The following C16orf89 variants were observed in gnomAD, a reference collection of about 807,000 sequenced individuals.
The protein encoded by C16orf89 is UPF0764 protein C16orf89.
C16orf89 carries 57 observed loss-of-function variants against 41.5 expected under a neutral mutation model. That is an observed-to-expected ratio of 1.38 (90% CI 1.11 to 1.71). C16orf89 has a LOEUF of 1.71. C16orf89 is among the 40% of genes most tolerant of loss of function. C16orf89 has a pLI of 0.00. For missense variants in C16orf89, 575 were observed against 445.9 expected, an observed-to-expected ratio of 1.29 and a Z score of -2.61; for synonymous variants, 223 against 190.6, an observed-to-expected ratio of 1.17 and a Z score of -1.40.
intron 6 of C16orf89, among the ~76,000 whole-genome samples, chr16:5,053,289 G>T (rs974551904): frequency 6.6e-6 from 1 of 152,110 alleles, no homozygotes; most frequent in African/African-American, 2.4e-5. Context: ...AGAATCGCTT[G>T]TACCTGGGAG....
At chr16:5,062,621 C>CT (rs773270427) in intron 1 of C16orf89, 47 bp from the exon 2 acceptor site, 380 of 1,506,256 alleles carry the variant, frequency 2.5e-4, no homozygotes, top group Admixed American at 3.1e-4. Context: ...GAATCGGGAC[C>CT]TTTTTTTGCC....
chr16:5,044,355 C>A lies in C16orf89; in HGVS notation c.1079G>T (p.Ser360Ile). ...PHPSTPPPPS[S>I]R ...GGCATGGAACCGTCCGTCTCAGCGG[C>A]TGCTTGGTGGTGGCGGTGTGGATGG... Residue 360 changes from serine (S) to isoleucine (I), a missense_variant, in exon 8 of 8, where the codon AGC (serine) becomes ATC (isoleucine). By Grantham distance (142) the Ser-to-Ile change is moderately radical. Transcript: ENST00000472572. 2 of 1,604,662 alleles carry A rather than the reference C, an allele frequency of 1.2e-6. No individual in the cohort carries two copies. The highest frequency in any genetic ancestry group is 1.7e-6 in the Non-Finnish European group (2 of 1,176,226).
At chr16:5,058,016 T>C (rs1437508560) in intron 4 of C16orf89, among the ~76,000 whole-genome samples, 1 of 152,122 alleles carries the variant, frequency 6.6e-6, no homozygotes, top group African/African-American at 2.4e-5. Flanking sequence ...AGGAGTATGA[T>C]AGGGGCCCTA....
intron 7 of C16orf89, among the ~76,000 whole-genome samples, chr16:5,046,977 C>T (rs1956309532): frequency 6.6e-6 from 1 of 152,196 alleles, no homozygotes; most frequent in African/African-American, 2.4e-5. Context: ...GTTCTGGTCA[C>T]TTGCCCATTC....
In C16orf89 at chr16:5,058,541, T is replaced by C. The variant is rs1359504785; in HGVS notation, c.579A>G (p.Ser193=). ...GCAGTTGGTGGGACAGGCAGTAGCCTGAGCAGCCGGGCTTGGTCATGAGGC... is the reference window on the plus strand; with the variant it reads ...GCAGTTGGTGGGACAGGCAGTAGCCCGAGCAGCCGGGCTTGGTCATGAGGC... ...CRSLMTKPGC[S]GYCLSHQLLF... Residue 193 remains serine, a synonymous_variant, in exon 4 of 8, where the codon TCA becomes TCG. Coordinates refer to ENST00000472572, the MANE Select transcript of C16orf89 (RefSeq NM_001098514.3). The C allele has an allele frequency of 5.0e-6, 8 of 1,612,750 alleles. No homozygotes were observed. The highest frequency in any genetic ancestry group is 6.8e-6 in the Non-Finnish European group (8 of 1,179,902).
intron 4 of C16orf89, among the ~76,000 whole-genome samples, chr16:5,057,449 A>C (rs1956534299): frequency 6.7e-6 from 1 of 148,586 alleles, no homozygotes; most frequent in South Asian, 2.1e-4. Context: ...TATATATATA[A>C]AGAAAAGAAA....
At chr16:5,055,642 T>G in intron 5 of C16orf89, 1 of 1,498,548 alleles carries the variant, frequency 6.7e-7, no homozygotes, top group Non-Finnish European at 9.0e-7. Context: ...AAGCGCTCCC[T>G]GTCTGCCTCA....
chr16:5,057,078 A>T (rs1956523264), intron 4 of C16orf89, among the ~76,000 whole-genome samples: 1 of 151,816 alleles, frequency 6.6e-6, no homozygotes, highest in Admixed American at 6.6e-5. Context: ...TCTCTACTAA[A>T]AATACAAAAA....
At chr16:5,062,656 C>G in intron 1 of C16orf89, 82 bp from the exon 2 acceptor site, 2 of 1,413,986 alleles carry the variant, frequency 1.4e-6, no homozygotes, top group Non-Finnish European at 1.9e-6. Context: ...AAAAATGCCC[C>G]AAAGTCTAAT....
At chr16:5,065,140 T>TTG (rs907446113) in intron 1 of C16orf89, among the ~76,000 whole-genome samples, 4 of 152,092 alleles carry the variant, frequency 2.6e-5, no homozygotes, top group African/African-American at 9.7e-5. Context: ...GCATGTGTGC[T>TTG]TGTGTGTGTG....
chr16:5,053,043 T>G (rs1022730492), intron 6 of C16orf89, among the ~76,000 whole-genome samples: 6 of 152,212 alleles, frequency 3.9e-5, no homozygotes, highest in Admixed American at 3.9e-4. Flanking sequence ...AAATGTTGCA[T>G]GTCCTTCCTC....
chr16:5,061,287 CG>C (rs1334570302), intron 2 of C16orf89, among the ~76,000 whole-genome samples: 16 of 131,318 alleles, frequency 1.2e-4, no homozygotes, highest in Non-Finnish European at 2.6e-4. Context: ...AAAAAAAAGC[CG>C]GGCGTGGTGG....
chr16:5,062,924 A>G (rs1956658571), intron 1 of C16orf89, among the ~76,000 whole-genome samples: 1 of 152,220 alleles, frequency 6.6e-6, no homozygotes, highest in Admixed American at 6.5e-5. Flanking sequence ...GTAGAGAACC[A>G]CTGTGTACAG....
chr16:5,044,248 G>A lies in C16orf89; in HGVS notation c.*100C>T, dbSNP rs1567147967. Reference sequence around the variant, plus strand: ...GGGTGGCTTTGCTTATCCTCCAGATGCCTTCTTCCCAGGATGTGATCCGTG... The same window carrying A: ...GGGTGGCTTTGCTTATCCTCCAGATACCTTCTTCCCAGGATGTGATCCGTG... On this transcript the variant is annotated 3_prime_UTR_variant, in exon 8 of 8. Transcript: ENST00000472572. 6.9e-7 allele frequency: 1 copy of A among 1,458,920 alleles called. No individual in the cohort carries two copies. The highest frequency in any genetic ancestry group is 2.5e-5 in the East Asian group (1 of 39,522). The allele number at this position is 1,458,920 out of a possible 1,614,324, so 90.4% of individuals were successfully genotyped here. A position where few individuals can be genotyped will look rare whatever the true frequency, so the allele number is the denominator to read the frequency against.
At chr16:5,047,456 C>T (rs1462564749) in intron 7 of C16orf89, among the ~76,000 whole-genome samples, 2 of 150,136 alleles carry the variant, frequency 1.3e-5, no homozygotes, top group Non-Finnish European at 3.0e-5. Flanking sequence ...CTTGGACTCC[C>T]CACTTTCTTT....
intron 1 of C16orf89, among the ~76,000 whole-genome samples, chr16:5,063,400 TCTC>T (rs1054152277): frequency 6.6e-6 from 1 of 152,060 alleles, no homozygotes; most frequent in African/African-American, 2.4e-5. Context: ...TGTCAGAGTG[TCTC>T]CTCCTGTGAT....
In C16orf89 at chr16:5,059,334, C is replaced by CG. The variant is rs757510492; in HGVS notation, c.510-725dup. On this transcript the variant is annotated intron_variant, in intron 3 of 7. Coordinates refer to ENST00000472572, the MANE Select transcript of C16orf89 (RefSeq NM_001098514.3). ...TACAAAAATTAGCCGGGCATGGTGG[C>CG]GCACATCTGTAATCCCAGCTACTCA... Among the ~76,000 whole-genome samples, 43 of 151,826 alleles carry CG rather than the reference C, an allele frequency of 2.8e-4. 2 individuals are homozygous for CG. In the East Asian group the frequency reaches 8.1e-3, roughly 28 times the overall value.
In C16orf89 at chr16:5,056,114, C is replaced by G; in HGVS notation, c.702G>C (p.Leu234Phe). The G allele has an allele frequency of 6.3e-7, 1 of 1,600,000 alleles. No homozygotes were observed. Among genetic ancestry groups the G allele is most frequent in the Non-Finnish European group, 8.6e-7 (1 of 1,168,098 alleles). Reference sequence around the variant, plus strand: ...ATCCGATGGCCTCAGCTCTGCGGTTCAAGTCCATCATGTTGGCGCAGAAGA... The same window carrying G: ...ATCCGATGGCCTCAGCTCTGCGGTTGAAGTCCATCATGTTGGCGCAGAAGA... ...INLFCANMMD[L>F]NRRAEAIGYA... The change falls in exon 5 of 8, where the codon TTG becomes TTC. Residue 234 changes from leucine to phenylalanine, a missense_variant. By Grantham distance (22) the Leu-to-Phe change is conservative. Transcript: ENST00000472572.
chr16:5,057,322 ATAG>A (rs1956530630), intron 4 of C16orf89, among the ~76,000 whole-genome samples: 1 of 147,156 alleles, frequency 6.8e-6, no homozygotes, highest in African/African-American at 2.5e-5. Flanking sequence ...ATATATATAC[ATAG>A]TGGTGTATAT....
Sources: gnomAD v4.1 joint callset for allele counts (sites outside exome capture counted in the v4.1 genomes callset) on GRCh38, gnomAD v4.1.1 for gene constraint, MANE v1.5 for transcripts, NCBI Gene and HGNC (gene_info 2026-07-23, HGNC 2026-07-21) for gene names.